Variants in ATP8A2 observed in about 807,000 individuals in gnomAD.
ATP8A2 encodes the protein ATPase phospholipid transporting 8A2, also known as phospholipid-transporting ATPase IB.
A neutral mutation model predicts 165.6 loss-of-function variants in ATP8A2; 100 were observed. The observed-to-expected ratio is 0.60, with a 90% CI of 0.51 to 0.71. The LOEUF (loss-of-function observed/expected upper bound fraction) is 0.71, where lower values mean the gene tolerates loss of function less well. Among genes scored for constraint, ATP8A2 ranks in the 30% least tolerant of loss-of-function variants. The pLI, the probability that ATP8A2 is intolerant of heterozygous loss-of-function variation, is 0.00. For synonymous variants in ATP8A2, 543 were observed against 548.8 expected (o/e 0.99, Z 0.15); for missense variants, 1,227 against 1,479.5 (o/e 0.83, Z 2.80).
chr13:25,681,006 A>T (rs866413251), intron 24 of ATP8A2, among the ~76,000 whole-genome samples: 1 of 152,236 alleles, frequency 6.6e-6, no homozygotes, highest in African/African-American at 2.4e-5. Context: ...AATACAACTC[A>T]GTATATTTTT....
In ATP8A2 at chr13:25,802,090, A is replaced by G. The variant is rs201243455; in HGVS notation, c.2680-26028A>G. 3.9e-5 allele frequency among the ~76,000 whole-genome samples: 6 copies of G among 152,366 alleles called. No individual in the cohort carries two copies. In the East Asian group the frequency reaches 1.2e-3, roughly 29 times the overall value. ...ATTTGGGTGAGGACACAGCCAAACC[A>G]TATCACATGGTAACCTACGTTAGAG... On this transcript the variant is annotated intron_variant, in intron 27 of 36. Coordinates refer to ENST00000381655, the MANE Select transcript of ATP8A2 (RefSeq NM_016529.6).
At chr13:25,704,536 A>G (rs555333561) in intron 25 of ATP8A2, among the ~76,000 whole-genome samples, 8 of 152,048 alleles carry the variant, frequency 5.3e-5, no homozygotes, top group East Asian at 3.9e-4. Context: ...GAGGCTTGCT[A>G]TGTTGCCCAG....
intron 27 of ATP8A2, among the ~76,000 whole-genome samples, chr13:25,778,522 C>G (rs1046627517): frequency 1.3e-5 from 2 of 152,198 alleles, no homozygotes; most frequent in African/African-American, 4.8e-5. Flanking sequence ...GTACTGTTTT[C>G]TGGGTTGATT....
At chr13:25,798,555 T>G (rs1950544472) in intron 27 of ATP8A2, among the ~76,000 whole-genome samples, 1 of 152,180 alleles carries the variant, frequency 6.6e-6, no homozygotes, top group Admixed American at 6.5e-5. Context: ...AGATAAAAAC[T>G]ATTGCAAACA....
intron 33 of ATP8A2, among the ~76,000 whole-genome samples, chr13:25,865,164 G>T (rs1443006446): frequency 6.6e-6 from 1 of 152,096 alleles, no homozygotes; most frequent in African/African-American, 2.4e-5. Flanking sequence ...AAAGGAATTG[G>T]CTCTTTTGGG....
chr13:25,447,277 GGTACATAATT>G (rs1375274524), intron 1 of ATP8A2, among the ~76,000 whole-genome samples: 1 of 151,392 alleles, frequency 6.6e-6, no homozygotes, highest in Non-Finnish European at 1.5e-5. Flanking sequence ...TTTTTTAATC[GGTACATAATT>G]GTACATATTT....
rs949076634 is a variant in ATP8A2 at position 25,372,565 on chromosome 13, T to C, written c.76+277T>C. On this transcript the variant is annotated intron_variant, in intron 1 of 36. Transcript: ENST00000381655. The surrounding 1 kb of genome is among the most constrained non-coding windows in gnomAD (Gnocchi z 4.8). ...CCCTGTACAGATGTGTGTGTGTGTG[T>C]GCGGCCTCCCTGTGCGCGTGCCCGT... Among the ~76,000 whole-genome samples, 10 of 152,190 alleles carry C rather than the reference T, an allele frequency of 6.6e-5. No individual in the cohort carries two copies. Among genetic ancestry groups the C allele is most frequent in the East Asian group, 1.9e-4 (1 of 5,148 alleles).
chr13:25,806,770 G>T, intron 27 of ATP8A2, among the ~76,000 whole-genome samples: 1 of 152,082 alleles, frequency 6.6e-6, no homozygotes, highest in East Asian at 1.9e-4. Flanking sequence ...TTCTGAAGTG[G>T]CTTCATCATT....
intron 25 of ATP8A2, among the ~76,000 whole-genome samples, chr13:25,702,855 A>T (rs1200526486): frequency 6.6e-6 from 1 of 151,816 alleles, no homozygotes; most frequent in Non-Finnish European, 1.5e-5. Flanking sequence ...CTTCTGTGGC[A>T]CCTTTCTCTT....
Position 25,989,750 on chromosome 13 carries a change from C to T in ATP8A2, c.3377+21071C>T, listed in dbSNP as rs551512328. Among the ~76,000 whole-genome samples the T allele has an allele frequency of 2.0e-5, 3 of 152,258 alleles. No homozygotes were observed. The Middle Eastern group carries it at 0.01, about 518-fold the overall frequency. ...TTTTATAAGGATCCTTCCCACCCTC[C>T]ATTTCTTTCCTTCCTCCTCACTTCC... On this transcript the variant is annotated intron_variant, in intron 35 of 36. Transcript: ENST00000381655.
At chr13:25,595,116 TAAAC>T (rs1205479314) in intron 24 of ATP8A2, among the ~76,000 whole-genome samples, 4 of 152,030 alleles carry the variant, frequency 2.6e-5, no homozygotes, top group Non-Finnish European at 5.9e-5. Context: ...AACAAGTAAT[TAAAC>T]AAATTGTGAA....
At chr13:25,653,068 C>T (rs1261274507) in intron 24 of ATP8A2, among the ~76,000 whole-genome samples, 4 of 152,194 alleles carry the variant, frequency 2.6e-5, no homozygotes, top group South Asian at 4.1e-4. Context: ...GGATTGTAAA[C>T]GTCTTCAGGT....
At chr13:25,570,227 T>C (rs2039426298) in intron 16 of ATP8A2, among the ~76,000 whole-genome samples, 1 of 152,086 alleles carries the variant, frequency 6.6e-6, no homozygotes, top group Non-Finnish European at 1.5e-5. Flanking sequence ...GGGTGGGGAA[T>C]GGGAGCCTGG....
intron 35 of ATP8A2, among the ~76,000 whole-genome samples, chr13:25,972,647 C>T (rs905427681): frequency 1.3e-5 from 2 of 152,130 alleles, no homozygotes; most frequent in Non-Finnish European, 2.9e-5. Context: ...AAATAGTCTA[C>T]CCTGCATGTC....
intron 27 of ATP8A2, among the ~76,000 whole-genome samples, chr13:25,789,154 G>T (rs1463542455): frequency 1.3e-5 from 2 of 152,092 alleles, no homozygotes; most frequent in African/African-American, 4.8e-5. Context: ...CTGTGTCAAT[G>T]CTTGGAAATA....
At chr13:25,546,214 C>T (rs981784330) in intron 10 of ATP8A2, among the ~76,000 whole-genome samples, 3 of 152,114 alleles carry the variant, frequency 2.0e-5, no homozygotes, top group African/African-American at 7.2e-5. Flanking sequence ...AAGGCATGCA[C>T]TGAGTTTGCA....
rs2042899553 is a variant in ATP8A2, at chr13:25,699,245, C to G, written c.2284C>G (p.Leu762Val). ...GCTGGGCAAGGAAAATGACGTGGCC[C>G]TGATCATCGATGGCCACACCCTGAA... ...NLLGKENDVA[L>V]IIDGHTLKYA... Residue 762 changes from leucine to valine, a missense_variant, in exon 25 of 37, where the codon CTG becomes GTG. By Grantham distance (32) the Leu-to-Val change is conservative. Around this residue, in one of 5 missense-constraint regions of ATP8A2, gnomAD observed 592 missense variants for 785.6 expected, o/e 0.75. Coordinates refer to ENST00000381655, the MANE Select transcript of ATP8A2 (RefSeq NM_016529.6). 1 of 1,612,746 alleles carries G rather than the reference C, an allele frequency of 6.2e-7. No individual in the cohort carries two copies. The highest frequency in any genetic ancestry group is 1.7e-5 in the Admixed American group (1 of 59,966).
Position 25,372,279 on chromosome 13 carries a change from T to G in ATP8A2, c.67T>G (p.Ser23Ala), listed in dbSNP as rs756832709. The G allele has an allele frequency of 3.4e-6, 5 of 1,462,450 alleles. No homozygotes were observed. The South Asian group carries it at 6.4e-5, about 19-fold the overall frequency. 90.6% of individuals were successfully genotyped at this position (1,462,450 alleles called of 1,614,324 possible). ...MSLPRRSRIR[S>A]SVGPVRSSLG... Reference sequence around the variant, plus strand: ...CCTGCCGCGGAGGTCGAGGATCCGCTCGTCCGTGGGTGAGCTGGGAGGGGC... The same window carrying G: ...CCTGCCGCGGAGGTCGAGGATCCGCGCGTCCGTGGGTGAGCTGGGAGGGGC... The change falls in exon 1 of 37, where the codon TCG becomes GCG. Residue 23 changes from serine (S) to alanine (A), a missense_variant. Coordinates refer to ENST00000381655, the MANE Select transcript of ATP8A2 (RefSeq NM_016529.6). This position sits in a 1 kb window ranked among gnomAD's most constrained non-coding sequence, Gnocchi z 4.8.
At chr13:25,881,462 C>A (rs760387576) in intron 33 of ATP8A2, among the ~76,000 whole-genome samples, 10 of 152,202 alleles carry the variant, frequency 6.6e-5, no homozygotes, top group Middle Eastern at 3.4e-3. Flanking sequence ...TTCTTTAGCT[C>A]CTTGGCTTTG....
Sources: allele counts gnomAD v4.1 joint callset (sites outside exome capture counted in the v4.1 genomes callset), GRCh38; gene constraint gnomAD v4.1.1; regional missense constraint gnomAD v4.1.1; non-coding constraint Gnocchi (gnomAD v3.1); transcripts MANE v1.5; gene names NCBI Gene and HGNC (gene_info 2026-07-23, HGNC 2026-07-21).